CRYL1: variants seen among roughly 807,000 people sequenced by gnomAD.
CRYL1 encodes the protein lambda-crystallin homolog.
In CRYL1, 29 loss-of-function variants were observed where a neutral mutation model predicts 36.6. The ratio of observed to expected loss-of-function variants is 0.79; its 90% CI spans 0.59 to 1.08. The LOEUF (loss-of-function observed/expected upper bound fraction) is 1.08. Among genes scored for constraint, CRYL1 ranks in the 50% least tolerant of loss-of-function variants. CRYL1 has a pLI of 0.00. For synonymous variants in CRYL1, 152 were observed against 151.5 expected, an observed-to-expected ratio of 1.00 and a Z score of -0.02; for missense variants, 411 against 407.9, an observed-to-expected ratio of 1.01 and a Z score of -0.06.
intron 6 of CRYL1, among the ~76,000 whole-genome samples, chr13:20,409,760 C>T (rs1222312064): frequency 6.6e-6 from 1 of 150,906 alleles, no homozygotes; most frequent in East Asian, 1.9e-4. Flanking sequence ...GACATTTATG[C>T]AGCCAAAAAA....
intron 4 of CRYL1, 74 bp downstream of exon 4, chr13:20,439,519 A>AAAAAAAAAAAG: frequency 4.7e-6 from 4 of 856,008 alleles, no homozygotes; most frequent in Non-Finnish European, 6.5e-6. Flanking sequence ...CCCCGCAAAA[A>AAAAAAAAAAAG]AAAAAAAAAA....
chr13:20,497,206 G>A (rs1366871909), intron 2 of CRYL1, among the ~76,000 whole-genome samples: 1 of 151,812 alleles, frequency 6.6e-6, no homozygotes, highest in African/African-American at 2.4e-5. Flanking sequence ...AGATACCAGG[G>A]GCTTCAGATA....
At chr13:20,486,393 C>A (rs887933153) in intron 3 of CRYL1, among the ~76,000 whole-genome samples, 3 of 152,130 alleles carry the variant, frequency 2.0e-5, no homozygotes, top group Non-Finnish European at 2.9e-5. Context: ...GGGTCTGTAA[C>A]GTGGCCTTAG....
chr13:20,502,956 T>C (rs759477439), intron 2 of CRYL1, among the ~76,000 whole-genome samples: 7 of 152,122 alleles, frequency 4.6e-5, no homozygotes, highest in Non-Finnish European at 7.4e-5. Flanking sequence ...CTAATGTGCA[T>C]TGGTCTAGAT....
At chr13:20,499,183 A>C (rs1444683929) in intron 2 of CRYL1, among the ~76,000 whole-genome samples, 1 of 152,058 alleles carries the variant, frequency 6.6e-6, no homozygotes, top group Non-Finnish European at 1.5e-5. Context: ...ATCTCTACCC[A>C]AAAAATACAA....
Position 20,525,673 on chromosome 13 carries a change from C to A in CRYL1, c.41+81G>T. 1.7e-6 allele frequency: 2 copies of A among 1,186,616 alleles called. No homozygotes were observed. The highest frequency in any genetic ancestry group is 7.8e-5 in the Admixed American group (2 of 25,608). 73.5% of individuals were successfully genotyped at this position (1,186,616 alleles called of 1,614,324 possible). On this transcript the variant is annotated intron_variant, in intron 1 of 7. Transcript: ENST00000298248. The surrounding 1 kb of genome is among the most constrained non-coding windows in gnomAD (Gnocchi z 4.3). ...CGGGGACAGCGACCCGGCGCCCACC[C>A]CGAGGGCCCCACGCGAGGGCACCAC... is the stretch of plus-strand genomic sequence containing the variant.
chr13:20,432,151 A>T lies in CRYL1; in HGVS notation c.584T>A (p.Leu195Gln), dbSNP rs1263218760. Residue 195 changes from leucine (L) to glutamine (Q), a missense_variant, in exon 5 of 8, where the codon CTG (leucine) becomes CAG (glutamine). Physicochemically the swap from Leu to Gln is moderately radical, Grantham distance 113 (BLOSUM62 -2). Transcript: ENST00000298248. ...RVQKEVAGFV[L>Q]NRLQYAIISE... The stretch of plus-strand genomic sequence containing the variant: ...GATGATTGCATATTGCAGGCGGTTC[A>T]GAACGAAGCCGGCCACCTCCTTCTG... 1 of 1,614,176 alleles carries T rather than the reference A, an allele frequency of 6.2e-7. No individual in the cohort carries two copies. The highest frequency in any genetic ancestry group is 8.5e-7 in the Non-Finnish European group (1 of 1,180,030).
intron 2 of CRYL1, among the ~76,000 whole-genome samples, chr13:20,507,709 G>A (rs373588556): frequency 2.0e-5 from 3 of 151,782 alleles, no homozygotes; most frequent in Admixed American, 1.3e-4. Context: ...ACAAGGTCAG[G>A]AGATCGAGAC....
At chr13:20,507,656 C>A (rs955314734) in intron 2 of CRYL1, among the ~76,000 whole-genome samples, 8 of 152,350 alleles carry the variant, frequency 5.3e-5, no homozygotes, top group Non-Finnish European at 1.0e-4. Flanking sequence ...CAGTGGCTCA[C>A]ACCTGTAATC....
At chr13:20,471,901 T>G (rs971992608) in intron 3 of CRYL1, among the ~76,000 whole-genome samples, 1 of 152,000 alleles carries the variant, frequency 6.6e-6, no homozygotes, top group Non-Finnish European at 1.5e-5. Context: ...TTGCCCAGGC[T>G]GGAATCTGGA....
chr13:20,466,807 TG>T (rs2032945169), intron 3 of CRYL1, among the ~76,000 whole-genome samples: 1 of 152,132 alleles, frequency 6.6e-6, no homozygotes, highest in Admixed American at 6.5e-5. Context: ...TACAGGAATA[TG>T]CATAACTGCA....
chr13:20,425,360 G>A lies in CRYL1; in HGVS notation c.633+6742C>T, dbSNP rs1010747302. Among the ~76,000 whole-genome samples the A allele has an allele frequency of 1.4e-4, 22 of 152,288 alleles. No homozygotes were observed. The highest frequency in any genetic ancestry group is 3.4e-3 in the Middle Eastern group (1 of 294). On this transcript the variant is annotated intron_variant, in intron 5 of 7. Transcript: ENST00000298248. The surrounding 1 kb of genome is among the most constrained non-coding windows in gnomAD (Gnocchi z 4.4). ...TTTGTGCTGATTCTCTTCCAGAGTC[G>A]ACATCTGAATAACCGTCAGTGAGCC...
In CRYL1 at chr13:20,469,053, T is replaced by C. The variant is rs542381051; in HGVS notation, c.276+20317A>G. Among the ~76,000 whole-genome samples the C allele has an allele frequency of 3.3e-5, 5 of 152,302 alleles. No homozygotes were observed. In the South Asian group the frequency reaches 1.0e-3, roughly 32 times the overall value. On this transcript the variant is annotated intron_variant, in intron 3 of 7. Transcript: ENST00000298248. ...GGACGGCATCCCTGTTACAACTCCA[T>C]CCACCGTCAGCAGTTTCTCAGGAAG...
At chr13:20,463,385 C>T (rs2032871037) in intron 3 of CRYL1, among the ~76,000 whole-genome samples, 1 of 121,114 alleles carries the variant, frequency 8.3e-6, no homozygotes, top group South Asian at 3.3e-4. Context: ...GATTAAGACA[C>T]ATAGTGATTG....
At chr13:20,455,052 A>C (rs980850951) in intron 3 of CRYL1, among the ~76,000 whole-genome samples, 1 of 152,212 alleles carries the variant, frequency 6.6e-6, no homozygotes, top group Non-Finnish European at 1.5e-5. Context: ...ATCCCAAAGA[A>C]TCTATGAAGA....
In CRYL1 at chr13:20,415,659, C is replaced by T. The variant is rs1405902390; in HGVS notation, c.634-2272G>A. ...CTGAACAAGCCACAGTCCACGTTTC[C>T]AGGAGAATTACAAAGCAAACGCTTG... On this transcript the variant is annotated intron_variant, in intron 5 of 7. Coordinates refer to ENST00000298248, the MANE Select transcript of CRYL1 (RefSeq NM_015974.3). The surrounding 1 kb of genome is among the most constrained non-coding windows in gnomAD (Gnocchi z 4.1). Among the ~76,000 whole-genome samples the T allele has an allele frequency of 2.6e-5, 4 of 152,228 alleles. No individual in the cohort carries two copies. Among genetic ancestry groups the T allele is most frequent in the African/African-American group, 9.6e-5 (4 of 41,470 alleles).
At chr13:20,456,818 G>C (rs983620239) in intron 3 of CRYL1, among the ~76,000 whole-genome samples, 1 of 152,152 alleles carries the variant, frequency 6.6e-6, no homozygotes, top group Non-Finnish European at 1.5e-5. Flanking sequence ...GAAACTCTGG[G>C]AGAGAGTGGA....
At chr13:20,453,341 A>C (rs2032610240) in intron 3 of CRYL1, among the ~76,000 whole-genome samples, 1 of 151,680 alleles carries the variant, frequency 6.6e-6, no homozygotes, top group African/African-American at 2.4e-5. Flanking sequence ...AGACACTTCC[A>C]AATAATCTAC....
intron 6 of CRYL1, among the ~76,000 whole-genome samples, chr13:20,405,427 T>C (rs1459092671): frequency 6.6e-6 from 1 of 152,232 alleles, no homozygotes; most frequent in African/African-American, 2.4e-5. Flanking sequence ...ACCATGGGTG[T>C]ACAAGGTTAT....
Sources: gnomAD v4.1 joint callset for allele counts (sites outside exome capture counted in the v4.1 genomes callset) on GRCh38, gnomAD v4.1.1 for gene constraint, Gnocchi (gnomAD v3.1) non-coding constraint, MANE v1.5 for transcripts, NCBI Gene and HGNC (gene_info 2026-07-23, HGNC 2026-07-21) for gene names.